Variants in ADAM12 observed in about 807,000 individuals in gnomAD.
ADAM12 encodes the protein disintegrin and metalloproteinase domain-containing protein 12.
A neutral mutation model predicts 106.4 loss-of-function variants in ADAM12; 70 were observed. The ratio of observed to expected loss-of-function variants is 0.66; its 90% CI spans 0.54 to 0.80. ADAM12 has a LOEUF of 0.80. ADAM12 is among the 30% of genes least tolerant of loss of function. The pLI is 0.00. For synonymous variants in ADAM12, 420 were observed against 433.5 expected (o/e 0.97, Z 0.39); for missense variants, 1,010 against 1,171.9 (o/e 0.86, Z 2.02).
At chr10:126,099,619 T>C (rs1319640046) in intron 9 of ADAM12, among the ~76,000 whole-genome samples, 2 of 152,184 alleles carry the variant, frequency 1.3e-5, no homozygotes, top group Non-Finnish European at 2.9e-5. Context: ...AAAATGTACT[T>C]TTAGTAGTTC....
chr10:126,134,000 C>T lies in ADAM12; in HGVS notation c.416+1584G>A, dbSNP rs1016767853. ...CTCTATGTCCATTGTCTGTTCCTTC[C>T]ACTAGGAAGTGCTCCAGGAAGAATG... On this transcript the variant is annotated intron_variant, in intron 5 of 22. Coordinates refer to ENST00000448723, the MANE Select transcript of ADAM12 (RefSeq NM_001288973.2). Among the ~76,000 whole-genome samples, 4 of 152,270 alleles carry T rather than the reference C, an allele frequency of 2.6e-5. No individual in the cohort carries two copies. The East Asian group carries it at 7.7e-4, about 29-fold the overall frequency.
intron 3 of ADAM12, among the ~76,000 whole-genome samples, chr10:126,250,606 G>T (rs1045165794): frequency 2.0e-5 from 3 of 152,108 alleles, no homozygotes; most frequent in Non-Finnish European, 4.4e-5. Context: ...AACCGCAATG[G>T]GGACAAAACA....
chr10:126,128,776 AG>A (rs1956251811), intron 5 of ADAM12, among the ~76,000 whole-genome samples: 1 of 30,840 alleles, frequency 3.2e-5, no homozygotes, highest in Admixed American at 3.7e-4. Flanking sequence ...TGCCCATGTG[AG>A]TGTGTGGTGC....
intron 14 of ADAM12, among the ~76,000 whole-genome samples, chr10:126,062,135 C>G (rs1243586081): frequency 6.6e-6 from 1 of 152,194 alleles, no homozygotes; most frequent in African/African-American, 2.4e-5. Flanking sequence ...CAGGAAGTCA[C>G]AAGCCCGAGG....
intron 1 of ADAM12, among the ~76,000 whole-genome samples, chr10:126,344,166 A>G (rs963104016): frequency 6.6e-6 from 1 of 152,124 alleles, no homozygotes; most frequent in Admixed American, 6.5e-5. Context: ...TCTAACATTT[A>G]AGTCTTTAAT....
intron 21 of ADAM12, among the ~76,000 whole-genome samples, chr10:126,030,766 A>C (rs1374576528): frequency 2.0e-5 from 3 of 152,180 alleles, no homozygotes; most frequent in African/African-American, 7.2e-5. Flanking sequence ...AGTTCAGCTA[A>C]AGTTTCTGGA....
At chr10:126,378,251 A>C (rs1170707457) in intron 1 of ADAM12, among the ~76,000 whole-genome samples, 2 of 152,248 alleles carry the variant, frequency 1.3e-5, no homozygotes, top group Admixed American at 1.3e-4. Flanking sequence ...AATACGTTAC[A>C]GTAAAAAATT....
At chr10:126,237,019 G>A (rs942292904) in intron 3 of ADAM12, among the ~76,000 whole-genome samples, 2 of 152,096 alleles carry the variant, frequency 1.3e-5, no homozygotes, top group Non-Finnish European at 2.9e-5. Flanking sequence ...AACAACATCA[G>A]TGATAATGCT....
intron 2 of ADAM12, among the ~76,000 whole-genome samples, chr10:126,327,588 C>G (rs1439881386): frequency 6.6e-6 from 1 of 151,848 alleles, no homozygotes; most frequent in East Asian, 1.9e-4. Context: ...AGGCCTGTCT[C>G]CTACCCCCTC....
chr10:126,211,146 A>G (rs1400039429), intron 3 of ADAM12, among the ~76,000 whole-genome samples: 1 of 152,164 alleles, frequency 6.6e-6, no homozygotes, highest in African/African-American at 2.4e-5. Context: ...CAGGGTGTGC[A>G]CAGGGGTGGC....
chr10:126,118,533 A>G (rs965445444), intron 5 of ADAM12, among the ~76,000 whole-genome samples: 1 of 152,222 alleles, frequency 6.6e-6, no homozygotes, highest in African/African-American at 2.4e-5. Context: ...GGGAAGAAGA[A>G]TGAGGAAAAA....
chr10:126,186,346 G>T (rs897805010), intron 3 of ADAM12, among the ~76,000 whole-genome samples: 2 of 152,204 alleles, frequency 1.3e-5, no homozygotes, highest in African/African-American at 4.8e-5. Flanking sequence ...GCAATGTGGA[G>T]CAATGTGGTG....
chr10:126,208,424 G>C (rs1051921716), intron 3 of ADAM12, among the ~76,000 whole-genome samples: 1 of 152,086 alleles, frequency 6.6e-6, no homozygotes, highest in African/African-American at 2.4e-5. Flanking sequence ...ATCAGACACT[G>C]GTTCTTGGTT....
intron 3 of ADAM12, among the ~76,000 whole-genome samples, chr10:126,255,607 C>A (rs2133696233): frequency 6.6e-6 from 1 of 152,310 alleles, no homozygotes; most frequent in African/African-American, 2.4e-5. Context: ...CAAAATAGTA[C>A]AACCTCGCTT....
rs191549735 is a variant in ADAM12 at position 126,229,892 on chromosome 10, C to G, written c.260+49023G>C. On this transcript the variant is annotated intron_variant, in intron 3 of 22. Transcript: ENST00000448723. Reference sequence around the variant, plus strand: ...CTTTCTATTGAAGACTCTCAAGGCCCTTGTGACCTGGCCGCTGCCGCACTC... The same window carrying G: ...CTTTCTATTGAAGACTCTCAAGGCCGTTGTGACCTGGCCGCTGCCGCACTC... 2.2e-4 allele frequency among the ~76,000 whole-genome samples: 34 copies of G among 152,248 alleles called. No homozygotes were observed. In the East Asian group the frequency reaches 6.2e-3, roughly 28 times the overall value.
At chr10:126,370,582 A>T (rs1221573590) in intron 1 of ADAM12, among the ~76,000 whole-genome samples, 1 of 152,230 alleles carries the variant, frequency 6.6e-6, no homozygotes, top group Non-Finnish European at 1.5e-5. Context: ...CTTGCAGGTC[A>T]GAGCCCACAG....
intron 3 of ADAM12, among the ~76,000 whole-genome samples, chr10:126,215,970 C>T (rs1022439218): frequency 6.6e-6 from 1 of 152,204 alleles, no homozygotes. Flanking sequence ...GTATTATTGT[C>T]ATAGCCATGA....
At chr10:126,213,319 T>C (rs923122441) in intron 3 of ADAM12, among the ~76,000 whole-genome samples, 21 of 152,220 alleles carry the variant, frequency 1.4e-4, no homozygotes, top group African/African-American at 4.3e-4. Flanking sequence ...GATGTGCATA[T>C]GGTTCGTTCT....
chr10:126,320,059 G>T (rs1029275536), intron 2 of ADAM12, among the ~76,000 whole-genome samples: 1 of 152,156 alleles, frequency 6.6e-6, no homozygotes, highest in Admixed American at 6.5e-5. Context: ...GAAAACCTTC[G>T]CTATTACAAA....
Sources: gnomAD v4.1 joint callset for allele counts (sites outside exome capture counted in the v4.1 genomes callset) on GRCh38, gnomAD v4.1.1 for gene constraint, MANE v1.5 for transcripts, NCBI Gene and HGNC (gene_info 2026-07-23, HGNC 2026-07-21) for gene names.